The following DMD variants were observed in gnomAD, a reference collection of about 807,000 sequenced individuals.
The protein encoded by DMD is mutant dystrophin.
Under a neutral mutation model 330.1 loss-of-function variants are expected in DMD, and 63 were observed. The ratio of observed to expected loss-of-function variants is 0.19; its 90% CI spans 0.16 to 0.24. The LOEUF (loss-of-function observed/expected upper bound fraction) is 0.24. Among genes scored for constraint, DMD ranks in the 10% least tolerant of loss-of-function variants. The pLI, the probability that DMD is intolerant of heterozygous loss-of-function variation, is 1.00. For missense variants in DMD, 3,344 were observed against 2,684.1 expected (o/e 1.25, Z -5.43); for synonymous variants, 1,223 against 959.8 (o/e 1.27, Z -5.07).
intron 43 of DMD, among the ~76,000 whole-genome samples, chrX:32,269,715 A>C (rs2097358565): frequency 8.9e-6 from 1 of 112,469 alleles, no homozygotes; most frequent in Admixed American, 9.5e-5. Context: ...ATAAAGAATT[A>C]AAATAATATC....
chrX:33,294,639 C>T (rs1569559637), intron 1 of DMD, among the ~76,000 whole-genome samples: 4 of 105,996 alleles, frequency 3.8e-5, no homozygotes, highest in Admixed American at 1.0e-4. Flanking sequence ...TGTTTACTAC[C>T]GAAAAAAAAA....
At chrX:33,313,108 C>A (rs2033909654) in intron 1 of DMD, among the ~76,000 whole-genome samples, 1 of 111,678 alleles carries the variant, frequency 9.0e-6, no homozygotes, top group Admixed American at 9.5e-5. Context: ...CCACTCTATG[C>A]ATACACACAA....
chrX:31,454,842 T>C (rs756516049), intron 59 of DMD, among the ~76,000 whole-genome samples: 5 of 110,770 alleles, frequency 4.5e-5, no homozygotes, highest in Non-Finnish European at 9.4e-5. Flanking sequence ...AGCCTCAAAC[T>C]CCTGGGCTCA....
At chrX:32,196,308 T>G (rs939799207) in intron 44 of DMD, among the ~76,000 whole-genome samples, 1 of 111,707 alleles carries the variant, frequency 9.0e-6, no homozygotes, top group African/African-American at 3.3e-5. Flanking sequence ...TAAAAAAAAT[T>G]TTTCACTTCA....
chrX:31,721,136 T>G (rs2085439707), intron 52 of DMD, among the ~76,000 whole-genome samples: 1 of 111,375 alleles, frequency 9.0e-6, no homozygotes, highest in Admixed American at 9.6e-5. Context: ...TCCAGGTACC[T>G]TATTAACTAG....
chrX:31,383,148 G>T (rs1203481839), intron 60 of DMD, among the ~76,000 whole-genome samples: 1 of 111,187 alleles, frequency 9.0e-6, no homozygotes, highest in East Asian at 2.8e-4. Context: ...TGGCTCAAAA[G>T]CTCCCCCACT....
At chrX:32,440,510 C>T (rs998200879) in intron 28 of DMD, among the ~76,000 whole-genome samples, 6 of 110,973 alleles carry the variant, frequency 5.4e-5, no homozygotes, top group African/African-American at 1.6e-4. Flanking sequence ...TATAGCTTTA[C>T]GTACATATAT....
intron 55 of DMD, among the ~76,000 whole-genome samples, chrX:31,511,339 A>T (rs866762711): frequency 1.2e-5 from 1 of 81,117 alleles, no homozygotes; most frequent in Non-Finnish European, 2.4e-5. Flanking sequence ...TTTATTTATT[A>T]TTATTATTAT....
intron 1 of DMD, among the ~76,000 whole-genome samples, chrX:33,302,149 T>C (rs1439964443): frequency 1.8e-5 from 2 of 111,695 alleles, no homozygotes; most frequent in Non-Finnish European, 3.8e-5. Context: ...AAGATTTGTT[T>C]ATCTGACCCT....
chrX:31,681,833 C>T (rs1301650502), intron 52 of DMD, among the ~76,000 whole-genome samples: 1 of 113,010 alleles, frequency 8.8e-6, no homozygotes, highest in African/African-American at 3.2e-5. Flanking sequence ...CGGTGGCTCA[C>T]GCCTGTAATC....
intron 2 of DMD, among the ~76,000 whole-genome samples, chrX:32,912,054 A>AGG (rs1411881059): frequency 6.8e-5 from 7 of 102,543 alleles, no homozygotes; most frequent in African/African-American, 2.5e-4. Context: ...AGAGAGAGAG[A>AGG]GAGAAGGAGG....
intron 55 of DMD, among the ~76,000 whole-genome samples, chrX:31,609,952 C>A (rs748785811): frequency 9.0e-6 from 1 of 111,213 alleles, no homozygotes; most frequent in African/African-American, 3.3e-5. Flanking sequence ...AGTCCTCTCT[C>A]CCTTGGGTTA....
intron 41 of DMD, among the ~76,000 whole-genome samples, chrX:32,336,812 C>T (rs2148779478): frequency 8.9e-6 from 1 of 111,766 alleles, no homozygotes; most frequent in African/African-American, 3.2e-5. Context: ...TTCAAAGATA[C>T]TGATATGGAA....
intron 54 of DMD, 149 bp from the exon 55 acceptor site, chrX:31,628,011 A>G (rs1448906179): frequency 3.6e-6 from 2 of 563,120 alleles, no homozygotes; most frequent in Non-Finnish European, 5.9e-6. Context: ...TTAAGCAACA[A>G]CTATAATATT....
At chrX:32,882,277 G>A (rs934143112) in intron 2 of DMD, among the ~76,000 whole-genome samples, 1 of 111,570 alleles carries the variant, frequency 9.0e-6, no homozygotes, top group Admixed American at 9.5e-5. Context: ...CTAACCTTTT[G>A]TCTTCCCAGC....
intron 7 of DMD, among the ~76,000 whole-genome samples, chrX:32,736,899 T>G (rs1261540477): frequency 9.1e-6 from 1 of 110,270 alleles, no homozygotes; most frequent in East Asian, 2.9e-4. Flanking sequence ...ACATGTACCC[T>G]AAAGCTTAAA....
intron 60 of DMD, among the ~76,000 whole-genome samples, chrX:31,421,445 A>G (rs1274158240): frequency 9.0e-6 from 1 of 110,730 alleles, no homozygotes; most frequent in Non-Finnish European, 1.9e-5. Context: ...TTAAAGGATC[A>G]TAAAATAATA....
At chrX:32,244,717 G>A (rs200367511) in intron 43 of DMD, among the ~76,000 whole-genome samples, 6,612 of 79,191 alleles carry the variant, frequency 0.083, 789 homozygotes, top group African/African-American at 0.2. Context: ...GCCAGTGATG[G>A]TGAGGATTTT....
intron 9 of DMD, among the ~76,000 whole-genome samples, chrX:32,685,085 C>G (rs2062753406): frequency 9.0e-6 from 1 of 111,112 alleles, no homozygotes; most frequent in Non-Finnish European, 1.9e-5. Flanking sequence ...CACATTTATT[C>G]CTGGCTTCTA....
Sources: gnomAD v4.1 joint callset for allele counts (sites outside exome capture counted in the v4.1 genomes callset) on GRCh38, gnomAD v4.1.1 for gene constraint, MANE v1.5 for transcripts, NCBI Gene and HGNC (gene_info 2026-07-23, HGNC 2026-07-21) for gene names.